GRID2: variants seen among roughly 807,000 people sequenced by gnomAD.
The protein encoded by GRID2 is glutamate ionotropic receptor delta type subunit 2.
A neutral mutation model predicts 114.8 loss-of-function variants in GRID2; 33 were observed. The ratio of observed to expected loss-of-function variants is 0.29; its 90% CI spans 0.22 to 0.38. The LOEUF (loss-of-function observed/expected upper bound fraction) is 0.38. GRID2 is among the 10% of genes least tolerant of loss of function. The pLI is 1.00. For missense variants in GRID2, 1,184 were observed against 1,257.7 expected (o/e 0.94, Z 0.89); for synonymous variants, 505 against 449.9 (o/e 1.12, Z -1.55).
At chr4:92,620,995 C>CAAAA (rs67388525) in intron 2 of GRID2, among the ~76,000 whole-genome samples, 5,450 of 112,046 alleles carry the variant, frequency 0.049, 128 homozygotes, top group East Asian at 0.094. Context: ...TAAAGAATGC[C>CAAAA]AAAAAAAAAA....
intron 13 of GRID2, among the ~76,000 whole-genome samples, chr4:93,525,096 G>A (rs1054407756): frequency 2.0e-5 from 3 of 151,718 alleles, no homozygotes; most frequent in African/African-American, 4.8e-5. Flanking sequence ...TTTATTCAGT[G>A]GCTGCTAAGT....
intron 4 of GRID2, among the ~76,000 whole-genome samples, chr4:93,140,228 C>G (rs1045906084): frequency 6.7e-6 from 1 of 149,510 alleles, no homozygotes; most frequent in South Asian, 2.1e-4. Context: ...GCAGGACCAC[C>G]GCTCACTGCA....
At chr4:92,665,261 G>T (rs1732714812) in intron 2 of GRID2, among the ~76,000 whole-genome samples, 2 of 143,840 alleles carry the variant, frequency 1.4e-5, no homozygotes, top group African/African-American at 5.1e-5. Context: ...ACTCTAGTTT[G>T]AATTTAAGCC....
intron 1 of GRID2, among the ~76,000 whole-genome samples, chr4:92,391,541 C>T (rs1730239204): frequency 2.0e-5 from 3 of 151,918 alleles, no homozygotes; most frequent in South Asian, 4.2e-4. Context: ...TAAAAAAAAC[C>T]ATTCAACATT....
intron 13 of GRID2, among the ~76,000 whole-genome samples, chr4:93,533,476 T>G (rs930023318): frequency 3.1e-4 from 47 of 150,382 alleles, no homozygotes; most frequent in Non-Finnish European, 6.2e-4. Flanking sequence ...TGAGTTAAAG[T>G]GATTCTCCCA....
chr4:92,762,434 T>G (rs1332203403), intron 2 of GRID2, among the ~76,000 whole-genome samples: 3 of 137,150 alleles, frequency 2.2e-5, no homozygotes, highest in Admixed American at 1.6e-4. Flanking sequence ...CTAATTCAAT[T>G]TCCTTGCTAA....
At chr4:93,144,901 A>G (rs777928128) in intron 4 of GRID2, among the ~76,000 whole-genome samples, 1 of 152,188 alleles carries the variant, frequency 6.6e-6, no homozygotes, top group Non-Finnish European at 1.5e-5. Context: ...AAGACAAAGT[A>G]TCAGGGAACA....
chr4:92,689,180 T>G (rs1182029338), intron 2 of GRID2, among the ~76,000 whole-genome samples: 1 of 152,190 alleles, frequency 6.6e-6, no homozygotes, highest in African/African-American at 2.4e-5. Context: ...CAAAATAGAT[T>G]TAGCATAATT....
intron 14 of GRID2, among the ~76,000 whole-genome samples, chr4:93,663,935 C>T (rs979868008): frequency 2.6e-5 from 4 of 152,106 alleles, no homozygotes; most frequent in Non-Finnish European, 5.9e-5. Flanking sequence ...CAAACGTATT[C>T]GGATTTTATG....
intron 2 of GRID2, among the ~76,000 whole-genome samples, chr4:93,019,022 C>T (rs1029095981): frequency 3.3e-5 from 5 of 152,046 alleles, no homozygotes; most frequent in African/African-American, 1.2e-4. Flanking sequence ...TTATCTAGCT[C>T]AAGAAGGAAT....
chr4:93,792,007 G>A (rs903695602), intron 1 of GRID2, among the ~76,000 whole-genome samples: 2 of 152,114 alleles, frequency 1.3e-5, no homozygotes, highest in Non-Finnish European at 2.9e-5. Flanking sequence ...TGTAAATATA[G>A]ATGATTTACA....
chr4:92,884,661 C>G (rs1322204052), intron 2 of GRID2: 2 of 171,324 alleles, frequency 1.2e-5, no homozygotes, highest in Non-Finnish European at 2.6e-5. Context: ...AATAGGGAGG[C>G]CTATTGAACA....
chr4:93,032,178 A>T (rs1044683656), intron 2 of GRID2, among the ~76,000 whole-genome samples: 2 of 152,154 alleles, frequency 1.3e-5, no homozygotes, highest in Admixed American at 1.3e-4. Flanking sequence ...GCCTATTTTC[A>T]GCTCTAGGAC....
At chr4:93,178,866 A>G (rs1180612821) in intron 4 of GRID2, among the ~76,000 whole-genome samples, 1 of 152,112 alleles carries the variant, frequency 6.6e-6, no homozygotes, top group Non-Finnish European at 1.5e-5. Context: ...TTTTATTTCT[A>G]TTAAGTGTCT....
intron 2 of GRID2, among the ~76,000 whole-genome samples, chr4:92,742,795 A>G (rs1274405616): frequency 6.6e-6 from 1 of 152,208 alleles, no homozygotes; most frequent in Admixed American, 6.5e-5. Flanking sequence ...ATGCAACAGT[A>G]CTACAAGCAT....
chr4:92,779,366 T>G (rs2149357601), intron 2 of GRID2, among the ~76,000 whole-genome samples: 1 of 152,234 alleles, frequency 6.6e-6, no homozygotes, highest in Admixed American at 6.6e-5. Flanking sequence ...TTTATGTAAA[T>G]AATATTTTGA....
chr4:93,575,678 A>G (rs1736354920), intron 13 of GRID2, among the ~76,000 whole-genome samples: 1 of 152,152 alleles, frequency 6.6e-6, no homozygotes, highest in African/African-American at 2.4e-5. Context: ...TAAATTTTAA[A>G]TGTTAGTGTT....
chr4:92,645,678 C>T (rs762256737), intron 2 of GRID2, among the ~76,000 whole-genome samples: 3 of 151,712 alleles, frequency 2.0e-5, no homozygotes, highest in Non-Finnish European at 4.4e-5. Context: ...CCCCCATGAG[C>T]GACCACTATG....
intron 1 of GRID2, among the ~76,000 whole-genome samples, chr4:92,319,816 T>C (rs1726211143): frequency 6.6e-6 from 1 of 152,204 alleles, no homozygotes; most frequent in Non-Finnish European, 1.5e-5. Flanking sequence ...CCATATTTGC[T>C]TTCAAATCTT....
Sources: allele counts gnomAD v4.1 joint callset (sites outside exome capture counted in the v4.1 genomes callset), GRCh38; gene constraint gnomAD v4.1.1; transcripts MANE v1.5; gene names NCBI Gene and HGNC (gene_info 2026-07-23, HGNC 2026-07-21).